SPIRE1: variants seen among roughly 807,000 people sequenced by gnomAD.
SPIRE1 encodes protein spire homolog 1.
SPIRE1 carries 40 observed loss-of-function variants against 94.1 expected under a neutral mutation model. The ratio of observed to expected loss-of-function variants is 0.43; its 90% CI spans 0.33 to 0.55. The LOEUF (loss-of-function observed/expected upper bound fraction) is 0.55. SPIRE1 is among the 20% of genes least tolerant of loss of function. The pLI is 0.06. For missense variants in SPIRE1, 838 were observed against 975.2 expected, an observed-to-expected ratio of 0.86 and a Z score of 1.87; for synonymous variants, 376 against 371.7, an observed-to-expected ratio of 1.01 and a Z score of -0.13.
intron 6 of SPIRE1, among the ~76,000 whole-genome samples, chr18:12,501,506 C>A (rs2033664844): frequency 6.6e-6 from 1 of 152,202 alleles, no homozygotes; most frequent in Admixed American, 6.5e-5. Context: ...ACCTCAGCCT[C>A]CCGAGTGGCT....
chr18:12,554,513 A>T (rs569264569), intron 2 of SPIRE1, among the ~76,000 whole-genome samples: 42 of 152,320 alleles, frequency 2.8e-4, no homozygotes, highest in Non-Finnish European at 5.4e-4. Context: ...GCTTCCCAGC[A>T]AAGAAAATCC....
upstream of SPIRE1, among the ~76,000 whole-genome samples, chr18:12,660,614 C>T (rs1436652927): frequency 6.6e-6 from 1 of 152,084 alleles, no homozygotes; most frequent in African/African-American, 2.4e-5. Flanking sequence ...AGCCACTGTG[C>T]CCGGCCAAAA....
At chr18:12,466,526 T>C (rs550162) in intron 10 of SPIRE1, among the ~76,000 whole-genome samples, 111,946 of 151,910 alleles carry the variant, frequency 0.74, 41,744 homozygotes, top group Middle Eastern at 0.93. Context: ...ATGATCTGCC[T>C]GCCTCAGCCT....
chr18:12,617,625 G>A (rs2037349158), intron 2 of SPIRE1, among the ~76,000 whole-genome samples: 2 of 152,034 alleles, frequency 1.3e-5, no homozygotes. Context: ...TGACAAGGCT[G>A]GTCTCAAACT....
intron 2 of SPIRE1, among the ~76,000 whole-genome samples, chr18:12,586,753 T>C (rs9963928): frequency 6.6e-5 from 10 of 152,352 alleles, no homozygotes; most frequent in African/African-American, 2.4e-4. Context: ...GATAATCATG[T>C]GTCTGGAAAC....
chr18:12,459,141 A>C lies in SPIRE1; in HGVS notation c.1638+4210T>G, dbSNP rs1038547397. Among the ~76,000 whole-genome samples, 11 of 152,216 alleles carry C rather than the reference A, an allele frequency of 7.2e-5. 1 individual carries two copies. The highest frequency in any genetic ancestry group is 2.4e-4 in the African/African-American group (10 of 41,456). ...ATGATATATTATTCTGTGTAAAAAA[A>C]CCTCAAAAAACAGTAATATAATGCA... On this transcript the variant is annotated intron_variant, in intron 12 of 16. Transcript: ENST00000409402.
At chr18:12,510,336 A>AT (rs2033997833) in intron 5 of SPIRE1, among the ~76,000 whole-genome samples, 1 of 152,070 alleles carries the variant, frequency 6.6e-6, no homozygotes, top group African/African-American at 2.4e-5. Flanking sequence ...ATATGTCAAA[A>AT]TTTATCAAGT....
intron 8 of SPIRE1, among the ~76,000 whole-genome samples, chr18:12,490,263 C>T (rs2033185294): frequency 6.6e-6 from 1 of 152,048 alleles, no homozygotes; most frequent in Non-Finnish European, 1.5e-5. Context: ...TTCCCATTAG[C>T]AACTACATAT....
At chr18:12,558,748 T>G (rs955211646) in intron 2 of SPIRE1, among the ~76,000 whole-genome samples, 1 of 152,066 alleles carries the variant, frequency 6.6e-6, no homozygotes, top group African/African-American at 2.4e-5. Flanking sequence ...GACTGGTGCA[T>G]CCACAAACCC....
At chr18:12,576,231 C>G (rs1215124399) in intron 2 of SPIRE1, among the ~76,000 whole-genome samples, 1 of 151,388 alleles carries the variant, frequency 6.6e-6, no homozygotes, top group Non-Finnish European at 1.5e-5. Flanking sequence ...TATGGAAATG[C>G]AAATTATCTA....
At chr18:12,642,315 G>A (rs1369139951) in intron 1 of SPIRE1, among the ~76,000 whole-genome samples, 1 of 152,076 alleles carries the variant, frequency 6.6e-6, no homozygotes, top group Non-Finnish European at 1.5e-5. Flanking sequence ...CCATAAATGT[G>A]ACTTCTATCC....
intron 2 of SPIRE1, among the ~76,000 whole-genome samples, chr18:12,591,715 C>T (rs959699088): frequency 1.3e-5 from 2 of 152,088 alleles, no homozygotes. Context: ...TGGTGGATCA[C>T]GCCTGTAATC....
chr18:12,452,623 C>T, intron 14 of SPIRE1, 111 bp from the exon 15 acceptor site: 1 of 1,036,532 alleles, frequency 9.6e-7, no homozygotes, highest in Non-Finnish European at 1.5e-6. Context: ...CTGCATAACT[C>T]TCCCTTCTTC....
intron 2 of SPIRE1, among the ~76,000 whole-genome samples, chr18:12,574,943 T>C (rs1474365092): frequency 6.6e-6 from 1 of 152,082 alleles, no homozygotes; most frequent in East Asian, 1.9e-4. Context: ...ACACGTCCAC[T>C]GGATTCAGTA....
chr18:12,658,520 C>A (rs2038626848), upstream of SPIRE1: 2 of 464,558 alleles, frequency 4.3e-6, no homozygotes, highest in East Asian at 1.4e-4. Context: ...GGCGCGCCAA[C>A]CCGGGTCACC....
At chr18:12,472,576 C>A (rs1817309470) in intron 10 of SPIRE1, among the ~76,000 whole-genome samples, 1 of 151,888 alleles carries the variant, frequency 6.6e-6, no homozygotes, top group Non-Finnish European at 1.5e-5. Context: ...GCCATGTTGC[C>A]CAGGCTGGTC....
intron 11 of SPIRE1, 136 bp downstream of exon 11, chr18:12,464,732 C>T (rs1403024764): frequency 4.6e-6 from 3 of 658,264 alleles, no homozygotes; most frequent in Non-Finnish European, 7.9e-6. Flanking sequence ...AGTATTTCAT[C>T]TCCCGATCAG....
chr18:12,546,812 C>G lies in SPIRE1; in HGVS notation c.465G>C (p.Gln155His). Residue 155 changes from glutamine to histidine, a missense_variant, in exon 3 of 17, where the codon CAG (glutamine) becomes CAC (histidine). By Grantham distance (24) the Gln-to-His change is conservative (BLOSUM62 0). Transcript: ENST00000409402. ...EERELSPPLE[Q>H]LIDHMANTVE... is the part of the protein sequence containing the mutation. The stretch of plus-strand genomic sequence containing the variant: ...CCGTGTTGGCCATGTGATCGATAAG[C>G]TGCTCTAGGGGAGGGCTTAATTCCC... 2 of 1,614,098 alleles carry G rather than the reference C, an allele frequency of 1.2e-6. No homozygotes were observed. Among genetic ancestry groups the G allele is most frequent in the Non-Finnish European group, 1.7e-6 (2 of 1,180,018 alleles).
At chr18:12,600,908 G>C (rs1567959895) in intron 2 of SPIRE1, among the ~76,000 whole-genome samples, 1 of 151,992 alleles carries the variant, frequency 6.6e-6, no homozygotes, top group Non-Finnish European at 1.5e-5. Flanking sequence ...TTTTTGTAGA[G>C]ATGAGGTCTC....
Sources: gnomAD v4.1 joint callset for allele counts (sites outside exome capture counted in the v4.1 genomes callset) on GRCh38, gnomAD v4.1.1 for gene constraint, MANE v1.5 for transcripts, NCBI Gene and HGNC (gene_info 2026-07-23, HGNC 2026-07-21) for gene names.